The following TRRAP variants were observed in gnomAD, a reference collection of about 807,000 sequenced individuals.
TRRAP encodes the protein transformation/transcription domain associated protein.
TRRAP carries 41 observed loss-of-function variants against 438.8 expected under a neutral mutation model. The ratio of observed to expected loss-of-function variants is 0.09; its 90% CI spans 0.07 to 0.12. TRRAP has a LOEUF of 0.12. Among genes scored for constraint, TRRAP ranks in the 10% least tolerant of loss-of-function variants. The probability of loss-of-function intolerance (pLI) is 1.00; values close to 1 mark genes in which losing one functional copy is unlikely to be tolerated. For missense variants in TRRAP, 3,122 were observed against 5,055.1 expected (o/e 0.62, Z 11.60); for synonymous variants, 1,994 against 1,962.9 (o/e 1.02, Z -0.42).
intron 20 of TRRAP, among the ~76,000 whole-genome samples, chr7:98,919,319 G>A (rs1459434175): frequency 3.9e-5 from 6 of 152,150 alleles, no homozygotes; most frequent in Non-Finnish European, 8.8e-5. Flanking sequence ...ATGGCGTAGG[G>A]GCCAGGTGTG....
At position 98,931,684 on chromosome 7, in the gene TRRAP, G is replaced by C. The variant is rs371338924; in HGVS notation, c.3852+19G>C. ...CAAAGAGGTGAGATTTCTGTCACCA[G>C]AACCAAGGTAATTTCAACAAAACTT... On this transcript the variant is annotated intron_variant, in intron 26 of 72. Coordinates refer to ENST00000456197, the MANE Select transcript of TRRAP (RefSeq NM_001375524.1). 20 of 1,598,082 alleles carry C rather than the reference G, an allele frequency of 1.3e-5. No homozygotes were observed. The highest frequency in any genetic ancestry group is 1.5e-5 in the Non-Finnish European group (18 of 1,169,986).
Position 98,970,145 on chromosome 7 carries a change from A to G in TRRAP, c.7546A>G (p.Ile2516Val), listed in dbSNP as rs1396482116. 3 of 1,613,856 alleles carry G rather than the reference A, an allele frequency of 1.9e-6. No individual in the cohort carries two copies. The highest frequency in any genetic ancestry group is 2.2e-5 in the East Asian group (1 of 44,870). The change falls in exon 52 of 73, where the codon ATT (isoleucine) becomes GTT (valine). Residue 2516 changes from isoleucine to valine, a missense_variant. By Grantham distance (29) the Ile-to-Val change is conservative. Around this residue, in one of 24 missense-constraint regions of TRRAP, gnomAD observed 992 missense variants for 1,281.2 expected, o/e 0.77. Transcript: ENST00000456197. ...LLAVCEKSTP[I>V]GTSCQGAMLP... ...GGCCGTGTGTGAGAAGAGCACCCCC[A>G]TTGGCACCAGCTGCCAAGGAGCCAT...
At chr7:98,949,980 T>G (rs1313795949) in intron 37 of TRRAP, 84 bp from the exon 38 acceptor site, 2 of 1,586,652 alleles carry the variant, frequency 1.3e-6, no homozygotes, top group East Asian at 4.5e-5. Flanking sequence ...GCTGTGTCTC[T>G]GAGCTGTTTA....
chr7:98,978,076 T>TA (rs1584385676), intron 56 of TRRAP, 135 bp from the exon 57 acceptor site: 16 of 758,310 alleles, frequency 2.1e-5, no homozygotes, highest in Middle Eastern at 3.8e-4. Context: ...GCCTAGGAAT[T>TA]AAGAGTTTGA....
rs3831554 is a variant in TRRAP at position 98,980,491 on chromosome 7, C to CA, written c.8635-1268dup. 7.1e-4 allele frequency among the ~76,000 whole-genome samples: 104 copies of CA among 146,862 alleles called. No individual in the cohort carries two copies. In the East Asian group the frequency reaches 9.3e-3, roughly 13 times the overall value. The stretch of plus-strand genomic sequence containing the variant: ...GTGCTTTCTTCAGAAGGTAATGAGC[C>CA]AAAAAAAAAAGAAAAGGCCTTTTAG... On this transcript the variant is annotated intron_variant, in intron 58 of 72. Coordinates refer to ENST00000456197, the MANE Select transcript of TRRAP (RefSeq NM_001375524.1).
intron 47 of TRRAP, 128 bp downstream of exon 47, chr7:98,962,555 G>C: frequency 6.5e-7 from 1 of 1,539,034 alleles, no homozygotes; most frequent in Non-Finnish European, 8.8e-7. Flanking sequence ...GCGTTGTTCA[G>C]GTGTCTGTTG....
intron 31 of TRRAP, among the ~76,000 whole-genome samples, chr7:98,944,973 T>G (rs1790980328): frequency 6.6e-6 from 1 of 152,066 alleles, no homozygotes; most frequent in African/African-American, 2.4e-5. Context: ...TCCAGCTCAT[T>G]TTTCTATGTT....
At chr7:98,897,139 G>A (rs547053703) in intron 7 of TRRAP, among the ~76,000 whole-genome samples, 2 of 152,314 alleles carry the variant, frequency 1.3e-5, no homozygotes, top group East Asian at 3.9e-4. Flanking sequence ...GGAGGCTGAG[G>A]CGGGAGAATC....
intron 21 of TRRAP, among the ~76,000 whole-genome samples, chr7:98,922,683 A>T (rs1562942928): frequency 6.6e-6 from 1 of 152,002 alleles, no homozygotes; most frequent in Non-Finnish European, 1.5e-5. Flanking sequence ...TTTTAAGGAT[A>T]TTATCGTAAT....
chr7:99,010,168 G>A (rs1348832861), intron 70 of TRRAP, among the ~76,000 whole-genome samples: 1 of 152,162 alleles, frequency 6.6e-6, no homozygotes, highest in Non-Finnish European at 1.5e-5. Context: ...TTACAGGCGT[G>A]AGCCACCACG....
At position 99,001,697 on chromosome 7, in the gene TRRAP, T is replaced by G. The variant is rs575713915; in HGVS notation, c.10310-2493T>G. 2.6e-5 allele frequency among the ~76,000 whole-genome samples: 4 copies of G among 152,262 alleles called. No homozygotes were observed. In the Middle Eastern group the frequency reaches 0.01, roughly 388 times the overall value. On this transcript the variant is annotated intron_variant, in intron 67 of 72. Transcript: ENST00000456197. ...GCTGTTTCTGTCTCTTTGTCTGTGTTCCGTTCGTGGAATGCAGTCCGATTC... is the reference window on the plus strand; with the variant it reads ...GCTGTTTCTGTCTCTTTGTCTGTGTGCCGTTCGTGGAATGCAGTCCGATTC...
intron 25 of TRRAP, 94 bp from the exon 26 acceptor site, chr7:98,931,311 G>A (rs1790312536): frequency 9.1e-6 from 14 of 1,537,132 alleles, no homozygotes; most frequent in East Asian, 2.3e-5. Context: ...ATGGACCCCA[G>A]TGACAGTCTT....
chr7:98,885,350 G>T lies in TRRAP; in HGVS notation c.150+3326G>T, dbSNP rs148114484. Among the ~76,000 whole-genome samples, 481 of 151,846 alleles carry T rather than the reference G, an allele frequency of 3.2e-3. 5 individuals are homozygous for T. The highest frequency in any genetic ancestry group is 0.011 in the African/African-American group (447 of 41,388). On this transcript the variant is annotated intron_variant, in intron 3 of 72. Transcript: ENST00000456197. ...TCCTGCTTTGGCTTCCCAAGGTGCT[G>T]GTATTACAGGTGTAACCCGCTGTGC...
At chr7:98,998,005 T>G (rs1793748687) in intron 67 of TRRAP, among the ~76,000 whole-genome samples, 1 of 152,232 alleles carries the variant, frequency 6.6e-6, no homozygotes, top group Non-Finnish European at 1.5e-5. Flanking sequence ...GGTTACAGAC[T>G]AAACGGCTCC....
intron 4 of TRRAP, 94 bp from the exon 5 acceptor site, chr7:98,892,330 A>C: frequency 4.9e-6 from 5 of 1,027,898 alleles, no homozygotes; most frequent in Non-Finnish European, 4.4e-6. Flanking sequence ...TGCTGGGTGT[A>C]AACAGCTGTG....
intron 16 of TRRAP, 31 bp from the exon 17 acceptor site, chr7:98,911,046 G>T (rs782315939): frequency 6.2e-7 from 1 of 1,600,858 alleles, no homozygotes; most frequent in Admixed American, 1.7e-5. Context: ...CAGTTTTAAT[G>T]CCTGTGGGCG....
At chr7:98,920,199 G>A (rs1384602645) in intron 20 of TRRAP, among the ~76,000 whole-genome samples, 8 of 152,130 alleles carry the variant, frequency 5.3e-5, no homozygotes, top group East Asian at 1.9e-4. Flanking sequence ...GGCCGGGTGC[G>A]GTGGCTCACG....
intron 8 of TRRAP, 134 bp from the exon 9 acceptor site, chr7:98,899,288 T>A (rs1042938068): frequency 1.2e-5 from 9 of 720,708 alleles, no homozygotes; most frequent in Non-Finnish European, 2.2e-5. Flanking sequence ...GGATCTTTCA[T>A]CACAAATATT....
At chr7:98,917,759 G>C in intron 20 of TRRAP, 80 bp downstream of exon 20, 1 of 1,534,968 alleles carries the variant, frequency 6.5e-7, no homozygotes, top group Non-Finnish European at 8.8e-7. Flanking sequence ...ACTCAAGAGT[G>C]GGCTCTGCAA....
Sources: allele counts gnomAD v4.1 joint callset (sites outside exome capture counted in the v4.1 genomes callset), GRCh38; gene constraint gnomAD v4.1.1; regional missense constraint gnomAD v4.1.1; transcripts MANE v1.5; gene names NCBI Gene and HGNC (gene_info 2026-07-23, HGNC 2026-07-21).